PHACTR4: variants seen among roughly 807,000 people sequenced by gnomAD.
PHACTR4 encodes phosphatase and actin regulator 4, also known as protein phosphatase 1, regulatory subunit 124.
A neutral mutation model predicts 72.7 loss-of-function variants in PHACTR4; 51 were observed. The observed-to-expected ratio is 0.70, with a 90% CI of 0.56 to 0.89. The LOEUF is 0.89. PHACTR4 is among the 40% of genes least tolerant of loss of function. PHACTR4 has a pLI of 0.00. For synonymous variants in PHACTR4, 255 were observed against 302.5 expected (o/e 0.84, Z 1.63); for missense variants, 731 against 861.8 (o/e 0.85, Z 1.90).
chr1:28,429,422 A>G (rs1320603849), intron 2 of PHACTR4, among the ~76,000 whole-genome samples: 3 of 152,198 alleles, frequency 2.0e-5, no homozygotes, highest in African/African-American at 7.2e-5. Flanking sequence ...GTGGAATGAT[A>G]GAGTAGTCTA....
intron 2 of PHACTR4, chr1:28,457,807 T>C (rs972254191): frequency 4.1e-6 from 4 of 985,398 alleles, no homozygotes; most frequent in Non-Finnish European, 3.6e-6. Flanking sequence ...TTTTTCCACA[T>C]GACTCTTTTT....
At chr1:28,408,496 T>G (rs1392684832) in intron 2 of PHACTR4, among the ~76,000 whole-genome samples, 3 of 151,976 alleles carry the variant, frequency 2.0e-5, no homozygotes, top group Non-Finnish European at 2.9e-5. Flanking sequence ...AAGGCGGAGG[T>G]TGCAGTAAGC....
At chr1:28,434,533 G>A (rs1656505669) in intron 2 of PHACTR4, among the ~76,000 whole-genome samples, 1 of 151,870 alleles carries the variant, frequency 6.6e-6, no homozygotes, top group Non-Finnish European at 1.5e-5. Flanking sequence ...TGTTGGCCAA[G>A]ATGTTCTCAA....
At chr1:28,391,401 AAAAT>A (rs1653019262) in intron 1 of PHACTR4, among the ~76,000 whole-genome samples, 1 of 151,096 alleles carries the variant, frequency 6.6e-6, no homozygotes, top group African/African-American at 2.4e-5. Context: ...TCTGTCTCAA[AAAAT>A]AAATAAATAA....
At chr1:28,462,806 C>T (rs1658908611) in intron 4 of PHACTR4, among the ~76,000 whole-genome samples, 1 of 152,180 alleles carries the variant, frequency 6.6e-6, no homozygotes, top group Non-Finnish European at 1.5e-5. Flanking sequence ...AAGCTTTATT[C>T]TGTATCTAAA....
chr1:28,454,048 T>A (rs1222005992), intron 2 of PHACTR4: 5 of 284,212 alleles, frequency 1.8e-5, no homozygotes, highest in Non-Finnish European at 3.4e-5. Context: ...AGACCTTGTC[T>A]CTATTAAAAA....
At chr1:28,440,341 A>G (rs1360439396) in intron 2 of PHACTR4, among the ~76,000 whole-genome samples, 1 of 146,008 alleles carries the variant, frequency 6.8e-6, no homozygotes, top group Non-Finnish European at 1.5e-5. Context: ...CATCTGAGTA[A>G]CGTTTGGTAT....
At chr1:28,400,777 C>T (rs138808349) in intron 1 of PHACTR4, among the ~76,000 whole-genome samples, 1,603 of 152,066 alleles carry the variant, frequency 0.011, 26 homozygotes, top group African/African-American at 0.037. Context: ...ACGGGGTTTC[C>T]CTATGTTGGC....
intron 2 of PHACTR4, 41 bp downstream of exon 2, chr1:28,407,504 G>GT: frequency 3.9e-6 from 6 of 1,557,656 alleles, no homozygotes; most frequent in Non-Finnish European, 5.3e-6. Context: ...TGACATTTCT[G>GT]TTTTATCCTC....
intron 1 of PHACTR4, among the ~76,000 whole-genome samples, chr1:28,386,416 G>C (rs1037693820): frequency 1.3e-5 from 2 of 152,068 alleles, no homozygotes; most frequent in Non-Finnish European, 2.9e-5. Context: ...TTTGGATGGA[G>C]GGTTCTGTAG....
intron 4 of PHACTR4, among the ~76,000 whole-genome samples, chr1:28,463,309 T>C (rs1658937512): frequency 6.8e-6 from 1 of 147,854 alleles, no homozygotes; most frequent in Non-Finnish European, 1.5e-5. Context: ...GAACATTCAG[T>C]GATGTTAAAG....
At chr1:28,425,943 G>A (rs180692915) in intron 2 of PHACTR4, among the ~76,000 whole-genome samples, 7 of 152,038 alleles carry the variant, frequency 4.6e-5, no homozygotes, top group South Asian at 2.1e-4. Context: ...CAACTGGGCC[G>A]GGCACGGTGG....
At chr1:28,461,504 T>C (rs1658806014) in intron 4 of PHACTR4, among the ~76,000 whole-genome samples, 1 of 152,194 alleles carries the variant, frequency 6.6e-6, no homozygotes, top group Admixed American at 6.6e-5. Flanking sequence ...GATGGAGTAT[T>C]ACTGTATACT....
intron 6 of PHACTR4, among the ~76,000 whole-genome samples, chr1:28,470,587 T>C (rs1238977720): frequency 2.0e-5 from 3 of 151,868 alleles, no homozygotes. Flanking sequence ...TCCCAGCTAC[T>C]TGGGAGGCTG....
chr1:28,424,306 C>G (rs750851257), intron 2 of PHACTR4, among the ~76,000 whole-genome samples: 36 of 152,178 alleles, frequency 2.4e-4, no homozygotes, highest in Middle Eastern at 3.4e-3. Context: ...ACCCTCCTGC[C>G]TCAGCCTCCT....
At chr1:28,476,084 A>T (rs910038055) in intron 7 of PHACTR4, 23 bp from the exon 8 acceptor site, 14 of 1,577,318 alleles carry the variant, frequency 8.9e-6, no homozygotes, top group Non-Finnish European at 1.2e-5. Flanking sequence ...TAAAAGGAAA[A>T]TATAATTATG....
intron 4 of PHACTR4, 125 bp downstream of exon 4, chr1:28,460,417 T>TA (rs531534266): frequency 0.01 from 5,232 of 521,376 alleles, no homozygotes; most frequent in South Asian, 0.015. Flanking sequence ...GGGTGGCCTT[T>TA]AAAAAAAAAA....
At chr1:28,478,191 G>C (rs370858533) in intron 8 of PHACTR4, among the ~76,000 whole-genome samples, 30 of 152,084 alleles carry the variant, frequency 2.0e-4, no homozygotes, top group Non-Finnish European at 4.0e-4. Context: ...TAACGTAATT[G>C]TCCTCCAGTT....
chr1:28,424,948 C>T (rs569316826), intron 2 of PHACTR4, among the ~76,000 whole-genome samples: 32 of 152,144 alleles, frequency 2.1e-4, no homozygotes, highest in African/African-American at 7.7e-4. Context: ...GCATGCACCA[C>T]CACCCCGGCT....
Sources: gnomAD v4.1 joint callset for allele counts (sites outside exome capture counted in the v4.1 genomes callset) on GRCh38, gnomAD v4.1.1 for gene constraint, MANE v1.5 for transcripts, NCBI Gene and HGNC (gene_info 2026-07-23, HGNC 2026-07-21) for gene names.